KLHL13: variants seen among roughly 807,000 people sequenced by gnomAD.
The protein encoded by KLHL13 is kelch-like protein 13.
A neutral mutation model predicts 37.1 loss-of-function variants in KLHL13; 10 were observed. That is an observed-to-expected ratio of 0.27 (90% CI 0.17 to 0.46). The LOEUF (loss-of-function observed/expected upper bound fraction) is 0.46, where lower values mean the gene tolerates loss of function less well. Among genes scored for constraint, KLHL13 ranks in the 20% least tolerant of loss-of-function variants. The pLI is 1.00. For synonymous variants in KLHL13, 163 were observed against 181.2 expected (o/e 0.90, Z 0.81); for missense variants, 360 against 509.3 (o/e 0.71, Z 2.82).
chrX:118,056,897 T>C (rs2054690500), intron 1 of KLHL13, among the ~76,000 whole-genome samples: 1 of 112,366 alleles, frequency 8.9e-6, no homozygotes, highest in African/African-American at 3.2e-5. Context: ...CAATATATTT[T>C]ACTTTTTTAT....
chrX:118,105,484 T>C (rs112641192), intron 1 of KLHL13, among the ~76,000 whole-genome samples: 1,179 of 112,833 alleles, frequency 0.01, 12 homozygotes, highest in African/African-American at 0.036. Context: ...CTCATAGTAT[T>C]GTTATGTGGT....
At position 118,029,721 on chromosome X, in the gene KLHL13, C is replaced by T. The variant is rs544282289; in HGVS notation, c.-55-84146G>A. ...CAGTGGCTGATGCCTATAATCCCAG[C>T]ACTTTGGGATGCCAAGGCGAGCAGA... On this transcript the variant is annotated intron_variant, in intron 1 of 6. Coordinates refer to the KLHL13 transcript ENST00000371882. 2.6e-4 allele frequency among the ~76,000 whole-genome samples: 29 copies of T among 111,939 alleles called. No homozygotes were observed. In the South Asian group the frequency reaches 0.011, roughly 42 times the overall value.
chrX:118,067,333 G>GT (rs2054805651), intron 1 of KLHL13, among the ~76,000 whole-genome samples: 1 of 111,595 alleles, frequency 9.0e-6, no homozygotes, highest in African/African-American at 3.3e-5. Context: ...ACTGGAAGTT[G>GT]GTTGCTCTGA....
intron 6 of KLHL13, 39 bp downstream of exon 7, chrX:117,901,794 G>T: frequency 1.5e-6 from 1 of 661,943 alleles, no homozygotes; most frequent in Non-Finnish European, 2.4e-6. Context: ...ATAGTTAAAA[G>T]CTTATATATT....
At chrX:117,974,745 T>C (rs965809444), upstream of KLHL13, among the ~76,000 whole-genome samples, 3 of 111,459 alleles carry the variant, frequency 2.7e-5, no homozygotes, top group Non-Finnish European at 5.7e-5. Flanking sequence ...TACATACATA[T>C]ATGGAAAGAG....
chrX:118,077,675 T>C (rs775556015), intron 1 of KLHL13, among the ~76,000 whole-genome samples: 6 of 110,639 alleles, frequency 5.4e-5, no homozygotes, highest in African/African-American at 1.6e-4. Context: ...TTGCTTCTGT[T>C]TGGGGACACC....
intron 4 of KLHL13, among the ~76,000 whole-genome samples, chrX:117,911,790 A>G (rs1209075817): frequency 1.7e-4 from 19 of 111,962 alleles, no homozygotes; most frequent in Admixed American, 5.7e-4. Context: ...TTCTTTATCC[A>G]GTCTATCATT....
At chrX:117,974,443 C>T (rs1004616865), upstream of KLHL13, among the ~76,000 whole-genome samples, 1 of 111,969 alleles carries the variant, frequency 8.9e-6, no homozygotes, top group Admixed American at 9.5e-5. Flanking sequence ...AGTTAGCGTT[C>T]GAATATTCTT....
intron 1 of KLHL13, among the ~76,000 whole-genome samples, chrX:118,007,983 C>G (rs1008864860): frequency 9.0e-6 from 1 of 111,605 alleles, no homozygotes; most frequent in African/African-American, 3.3e-5. Context: ...AACCAAGTGT[C>G]GAATGGAGGG....
intron 1 of KLHL13, among the ~76,000 whole-genome samples, chrX:117,949,064 T>A (rs1378413462): frequency 2.7e-5 from 3 of 112,253 alleles, no homozygotes. Context: ...CGGAAACATG[T>A]AAGTGATATG....
intron 1 of KLHL13, among the ~76,000 whole-genome samples, chrX:118,003,787 C>T (rs769565804): frequency 2.7e-5 from 3 of 110,344 alleles, no homozygotes; most frequent in South Asian, 3.9e-4. Context: ...GGCAACAACT[C>T]GTCAAAGTAC....
At chrX:118,026,751 CA>C (rs1324473457) in intron 1 of KLHL13, among the ~76,000 whole-genome samples, 1 of 111,851 alleles carries the variant, frequency 8.9e-6, no homozygotes, top group Non-Finnish European at 1.9e-5. Context: ...TGATACCCAA[CA>C]CCATAGATAC....
chrX:118,074,300 C>T (rs2054905786), intron 1 of KLHL13, among the ~76,000 whole-genome samples: 1 of 111,890 alleles, frequency 8.9e-6, no homozygotes, highest in African/African-American at 3.2e-5. Context: ...CATAAGGGTT[C>T]AGAATCTCTT....
chrX:118,041,615 TCTTG>T (rs1437452567), intron 1 of KLHL13, among the ~76,000 whole-genome samples: 2 of 111,980 alleles, frequency 1.8e-5, no homozygotes, highest in East Asian at 2.8e-4. Context: ...TCTGGTTTTC[TCTTG>T]CTTATTTGTT....
intron 1 of KLHL13, among the ~76,000 whole-genome samples, chrX:118,092,444 A>G (rs2055148048): frequency 9.0e-6 from 1 of 111,378 alleles, no homozygotes; most frequent in Non-Finnish European, 1.9e-5. Flanking sequence ...TCAGAATCCT[A>G]TATCAAGCAA....
intron 1 of KLHL13, among the ~76,000 whole-genome samples, chrX:118,024,512 T>C (rs1024115835): frequency 9.0e-6 from 1 of 111,619 alleles, no homozygotes; most frequent in Admixed American, 9.6e-5. Context: ...TACCTATATA[T>C]CCAGAGTGAA....
intron 1 of KLHL13, among the ~76,000 whole-genome samples, chrX:118,105,899 T>TTC (rs2055340877): frequency 3.7e-5 from 3 of 80,207 alleles, no homozygotes; most frequent in African/African-American, 1.5e-4. Context: ...CAGCTTTTTT[T>TTC]TTTTTTTTTT....
chrX:117,994,315 G>A (rs1335424101), intron 1 of KLHL13, among the ~76,000 whole-genome samples: 1 of 109,990 alleles, frequency 9.1e-6, no homozygotes, highest in Non-Finnish European at 1.9e-5. Context: ...GTGCAGTAGT[G>A]TGATTATAGG....
At chrX:118,063,952 G>A (rs569293216) in intron 1 of KLHL13, among the ~76,000 whole-genome samples, 4 of 111,464 alleles carry the variant, frequency 3.6e-5, no homozygotes, top group African/African-American at 1.3e-4. Context: ...TTACACCCTA[G>A]CAGCTGTTAT....
Sources: allele counts gnomAD v4.1 joint callset (sites outside exome capture counted in the v4.1 genomes callset), GRCh38; gene constraint gnomAD v4.1.1; transcripts MANE v1.5; gene names NCBI Gene and HGNC (gene_info 2026-07-23, HGNC 2026-07-21).